MDGA2: variants seen among roughly 807,000 people sequenced by gnomAD.
The protein encoded by MDGA2 is MAM domain containing glycosylphosphatidylinositol anchor 2.
A neutral mutation model predicts 117.8 loss-of-function variants in MDGA2; 40 were observed. The ratio of observed to expected loss-of-function variants is 0.34; its 90% confidence interval spans 0.26 to 0.44. The LOEUF is 0.44. MDGA2 is among the 20% of genes least tolerant of loss of function. MDGA2 has a pLI of 1.00. For missense variants in MDGA2, 1,123 were observed against 1,250.6 expected, an observed-to-expected ratio of 0.90 and a Z score of 1.54; for synonymous variants, 452 against 439.0, an observed-to-expected ratio of 1.03 and a Z score of -0.37.
intron 1 of MDGA2, among the ~76,000 whole-genome samples, chr14:47,668,808 C>A (rs1433945328): frequency 6.6e-6 from 1 of 152,204 alleles, no homozygotes; most frequent in Admixed American, 6.5e-5. Flanking sequence ...GAGATGACAG[C>A]ACATTCCCTT....
intron 2 of MDGA2, among the ~76,000 whole-genome samples, chr14:47,229,945 A>G (rs979218678): frequency 6.6e-6 from 1 of 152,028 alleles, no homozygotes; most frequent in Non-Finnish European, 1.5e-5. Context: ...TTAATAATCA[A>G]TATTGATTTA....
chr14:47,552,759 A>T (rs913971262), intron 1 of MDGA2, among the ~76,000 whole-genome samples: 5 of 151,984 alleles, frequency 3.3e-5, no homozygotes, highest in Admixed American at 2.0e-4. Context: ...TAATAGTCAA[A>T]TTTTTTCTTT....
intron 1 of MDGA2, among the ~76,000 whole-genome samples, chr14:47,608,456 G>A (rs1418601962): frequency 6.6e-6 from 1 of 152,098 alleles, no homozygotes; most frequent in African/African-American, 2.4e-5. Flanking sequence ...GGCTCGTAGG[G>A]AAGAACATTC....
chr14:46,919,417 A>T (rs1186234684), intron 10 of MDGA2, among the ~76,000 whole-genome samples: 4 of 152,262 alleles, frequency 2.6e-5, no homozygotes, highest in Admixed American at 6.5e-5. Context: ...CATTTAAACA[A>T]AGGATACGTG....
At chr14:47,597,402 T>C (rs1252201113) in intron 1 of MDGA2, among the ~76,000 whole-genome samples, 1 of 152,110 alleles carries the variant, frequency 6.6e-6, no homozygotes, top group Non-Finnish European at 1.5e-5. Flanking sequence ...TCCTGTATTT[T>C]TTTTCTTTCC....
chr14:47,080,295 G>A (rs1293451328), intron 6 of MDGA2, among the ~76,000 whole-genome samples: 1 of 152,052 alleles, frequency 6.6e-6, no homozygotes. Flanking sequence ...ATTATTTCTG[G>A]AGGAAATTTA....
intron 1 of MDGA2, among the ~76,000 whole-genome samples, chr14:47,373,073 T>C (rs1220290673): frequency 1.3e-5 from 2 of 152,096 alleles, no homozygotes; most frequent in African/African-American, 2.4e-5. Flanking sequence ...AGTTTGTATA[T>C]GTGTTTTATA....
intron 1 of MDGA2, among the ~76,000 whole-genome samples, chr14:47,569,843 T>A (rs187583141): frequency 2.0e-5 from 3 of 152,326 alleles, no homozygotes; most frequent in Admixed American, 2.0e-4. Context: ...CTTCTAATGT[T>A]TTAATTTCAA....
At chr14:46,904,113 C>T (rs753381179) in intron 10 of MDGA2, among the ~76,000 whole-genome samples, 6 of 152,052 alleles carry the variant, frequency 3.9e-5, no homozygotes, top group Non-Finnish European at 8.8e-5. Context: ...CCTGTAATCC[C>T]AGCACTTTGG....
intron 3 of MDGA2, among the ~76,000 whole-genome samples, chr14:47,213,129 A>G (rs1326922879): frequency 6.6e-6 from 1 of 152,142 alleles, no homozygotes; most frequent in African/African-American, 2.4e-5. Context: ...AGGGTGCATT[A>G]GCCAAAAAAA....
intron 1 of MDGA2, among the ~76,000 whole-genome samples, chr14:47,359,389 C>A (rs1034877600): frequency 3.3e-5 from 5 of 151,792 alleles, no homozygotes; most frequent in East Asian, 1.9e-4. Context: ...AAACAAAAAA[C>A]ATTATGTTAC....
At chr14:47,463,813 T>C (rs1391224404) in intron 1 of MDGA2, among the ~76,000 whole-genome samples, 2 of 152,150 alleles carry the variant, frequency 1.3e-5, no homozygotes, top group Non-Finnish European at 2.9e-5. Context: ...CTTTTTGTTA[T>C]TGTTTTGATT....
At chr14:47,387,539 T>G (rs1042723994) in intron 1 of MDGA2, among the ~76,000 whole-genome samples, 5 of 152,158 alleles carry the variant, frequency 3.3e-5, no homozygotes, top group Non-Finnish European at 7.4e-5. Flanking sequence ...TGTAAGCAAT[T>G]TCAGCTAAAT....
intron 2 of MDGA2, among the ~76,000 whole-genome samples, chr14:47,252,226 T>C (rs935441807): frequency 6.6e-6 from 1 of 152,138 alleles, no homozygotes; most frequent in Non-Finnish European, 1.5e-5. Flanking sequence ...TCATAAATAC[T>C]AGATTCTCAT....
intron 6 of MDGA2, among the ~76,000 whole-genome samples, chr14:47,082,457 T>A (rs2138897424): frequency 6.6e-6 from 1 of 152,160 alleles, no homozygotes; most frequent in Non-Finnish European, 1.5e-5. Context: ...TCCAGAGTAC[T>A]CGACTGGAAA....
At position 46,840,666 on chromosome 14, in the gene MDGA2, T is replaced by C. The variant is rs1415622731; in HGVS notation, c.*1265A>G. ...AGGCCCAGTTCCACTGTAGAGTTAG[T>C]ATGCACTGCAATCCCAAACATTTTC... On this transcript the variant is annotated 3_prime_UTR_variant, in exon 17 of 17. Transcript: ENST00000399232. The C allele has an allele frequency of 2.0e-5, 3 of 152,596 alleles. No individual in the cohort carries two copies. The highest frequency in any genetic ancestry group is 2.9e-5 in the Non-Finnish European group (2 of 68,012). 9.5% of individuals were successfully genotyped at this position (152,596 alleles called of 1,614,324 possible). A position where few individuals can be genotyped will look rare whatever the true frequency, so the allele number is the denominator to read the frequency against.
At chr14:46,893,634 A>C (rs1882967305) in intron 10 of MDGA2, among the ~76,000 whole-genome samples, 1 of 152,038 alleles carries the variant, frequency 6.6e-6, no homozygotes, top group African/African-American at 2.4e-5. Context: ...GTATACCTTA[A>C]AAATGTACAA....
intron 2 of MDGA2, among the ~76,000 whole-genome samples, chr14:47,254,686 C>T (rs1306372915): frequency 6.6e-6 from 1 of 152,194 alleles, no homozygotes; most frequent in South Asian, 2.1e-4. Flanking sequence ...CAAACTGCTA[C>T]AGTCTCTGCC....
At chr14:47,617,760 A>G (rs1051200625) in intron 1 of MDGA2, among the ~76,000 whole-genome samples, 21 of 152,172 alleles carry the variant, frequency 1.4e-4, no homozygotes, top group Non-Finnish European at 2.9e-4. Context: ...ATATTTGCCT[A>G]TAGCATATTA....
Sources: allele counts gnomAD v4.1 joint callset (sites outside exome capture counted in the v4.1 genomes callset), GRCh38; gene constraint gnomAD v4.1.1; transcripts MANE v1.5; gene names NCBI Gene and HGNC (gene_info 2026-07-23, HGNC 2026-07-21).